UBR1: variants seen among roughly 807,000 people sequenced by gnomAD.
The protein encoded by UBR1 is ubiquitin protein ligase E3 component n-recognin 1, also known as E3 ubiquitin-protein ligase UBR1.
A neutral mutation model predicts 242.1 loss-of-function variants in UBR1; 102 were observed. The observed-to-expected ratio is 0.42, with a 90% CI of 0.36 to 0.50. UBR1 has a LOEUF of 0.50. UBR1 is among the 20% of genes least tolerant of loss of function. UBR1 has a pLI of 0.01. For missense variants in UBR1, 1,772 were observed against 2,101.8 expected (o/e 0.84, Z 3.07); for synonymous variants, 675 against 684.8 (o/e 0.99, Z 0.22).
intron 4 of UBR1, among the ~76,000 whole-genome samples, chr15:43,072,063 T>C (rs2033830214): frequency 1.3e-5 from 2 of 152,120 alleles, no homozygotes; most frequent in Non-Finnish European, 2.9e-5. Context: ...AAAATTTTTG[T>C]AGAGATAGGG....
intron 15 of UBR1, 40 bp from the exon 16 acceptor site, chr15:43,038,272 C>A (rs1295567662): frequency 1.3e-6 from 2 of 1,595,230 alleles, no homozygotes; most frequent in Admixed American, 1.7e-5. Context: ...AGAAAACAAA[C>A]CCAATTTGTT....
chr15:43,083,930 G>A (rs528325846), intron 2 of UBR1, among the ~76,000 whole-genome samples: 1 of 152,074 alleles, frequency 6.6e-6, no homozygotes, highest in Admixed American at 6.5e-5. Context: ...TGCAAGCCCA[G>A]CTACTCAGGA....
rs1228203371 is a variant in UBR1, at chr15:42,945,278, C to T, written c.*51G>A. 1 of 1,613,492 alleles carries T rather than the reference C, an allele frequency of 6.2e-7. No individual in the cohort carries two copies. ...CAGAAAGTTTTCCATAATTTTGAAT[C>T]AGCCTTTACTACTGTCGTCATTTGT... On this transcript the variant is annotated 3_prime_UTR_variant, in exon 47 of 47. Transcript: ENST00000290650.
At chr15:42,953,958 C>T (rs1277294356) in intron 44 of UBR1, among the ~76,000 whole-genome samples, 1 of 151,060 alleles carries the variant, frequency 6.6e-6, no homozygotes, top group Non-Finnish European at 1.5e-5. Flanking sequence ...TCACGGCTCA[C>T]TGCTGCCTCA....
chr15:43,022,815 A>G lies in UBR1; in HGVS notation c.2740-14T>C. ...AATATGAAAAGCCTGAAGGAGGAAA[A>G]TAAGAGATCTTTAAAATTGCGCTTC... On this transcript the variant is annotated splice_polypyrimidine_tract_variant and intron_variant, in intron 25 of 46. Transcript: ENST00000290650. The G allele has an allele frequency of 1.3e-6, 2 of 1,547,030 alleles. No homozygotes were observed. The highest frequency in any genetic ancestry group is 1.8e-6 in the Non-Finnish European group (2 of 1,121,354).
chr15:43,058,678 T>G (rs535176245), intron 9 of UBR1, among the ~76,000 whole-genome samples: 2 of 152,294 alleles, frequency 1.3e-5, no homozygotes, highest in East Asian at 3.9e-4. Flanking sequence ...CTCCCAACCT[T>G]TTCATTCTTT....
chr15:43,059,646 G>A lies in UBR1; in HGVS notation c.985+56C>T. ...TACTCAATGACATTTTAAAATTTGT[G>A]GCTATAAAACACATAGTATTTTATC... On this transcript the variant is annotated intron_variant, in intron 8 of 46. Coordinates refer to ENST00000290650, the MANE Select transcript of UBR1 (RefSeq NM_174916.3). 1.9e-6 allele frequency: 3 copies of A among 1,583,300 alleles called. No individual in the cohort carries two copies. The South Asian group carries it at 3.5e-5, about 18-fold the overall frequency.
intron 13 of UBR1, among the ~76,000 whole-genome samples, chr15:43,048,186 C>G (rs1178117425): frequency 7.2e-6 from 1 of 138,220 alleles, no homozygotes; most frequent in East Asian, 2.1e-4. Context: ...ACTCTGTCTT[C>G]GAAAAAAAAA....
chr15:43,010,448 T>A (rs2032905921), intron 29 of UBR1, among the ~76,000 whole-genome samples: 1 of 152,054 alleles, frequency 6.6e-6, no homozygotes, highest in South Asian at 2.1e-4. Flanking sequence ...TAGAGTGATA[T>A]GGACATAATA....
At chr15:43,071,391 C>A (rs186655968) in intron 4 of UBR1, among the ~76,000 whole-genome samples, 2 of 152,024 alleles carry the variant, frequency 1.3e-5, no homozygotes, top group Non-Finnish European at 2.9e-5. Context: ...TCTGCTCATA[C>A]GAAGTATCTA....
chr15:43,040,229 A>G (rs1166993316), intron 15 of UBR1, among the ~76,000 whole-genome samples: 2 of 152,222 alleles, frequency 1.3e-5, no homozygotes, highest in African/African-American at 4.8e-5. Context: ...CAAAAACAGC[A>G]TGGTACTGGT....
chr15:43,037,376 A>G (rs1055895439), intron 17 of UBR1, among the ~76,000 whole-genome samples: 4 of 151,932 alleles, frequency 2.6e-5, no homozygotes, highest in Non-Finnish European at 5.9e-5. Flanking sequence ...AAAGGAAAAA[A>G]AAAAGAAAAG....
rs752699712 is a variant in UBR1 at position 42,983,936 on chromosome 15, G to C, written c.4111C>G (p.Gln1371Glu). The change falls in exon 37 of 47, where the codon CAG becomes GAG. Residue 1371 changes from glutamine (Q) to glutamate (E), a missense_variant. Transcript: ENST00000290650. ...FAVAQRITCPQVLIQKHLVRL... is the reference protein window; with the variant it reads ...FAVAQRITCPEVLIQKHLVRL... Reference sequence around the variant, plus strand: ...ACCAGATGTTTCTGTATCAGGACCTGAGGACAGGTAATCCTCTGTGCAACT... The same window carrying C: ...ACCAGATGTTTCTGTATCAGGACCTCAGGACAGGTAATCCTCTGTGCAACT... The C allele has an allele frequency of 2.5e-6, 4 of 1,613,334 alleles. No homozygotes were observed. In the Admixed American group the frequency reaches 6.7e-5, roughly 27 times the overall value.
At chr15:43,051,295 A>G (rs2033551860) in intron 12 of UBR1, among the ~76,000 whole-genome samples, 1 of 152,224 alleles carries the variant, frequency 6.6e-6, no homozygotes, top group South Asian at 2.1e-4. Flanking sequence ...GCTAGAGGCC[A>G]TTATCCTTAG....
At chr15:43,027,014 C>T (rs190399597) in intron 22 of UBR1, among the ~76,000 whole-genome samples, 1 of 152,052 alleles carries the variant, frequency 6.6e-6, no homozygotes, top group East Asian at 1.9e-4. Context: ...CTTCATTGAC[C>T]TTAGACACTT....
chr15:42,998,184 A>T lies in UBR1; in HGVS notation c.3741T>A (p.Asn1247Lys), dbSNP rs148375509. 1,178 of 1,613,746 alleles carry T rather than the reference A, an allele frequency of 7.3e-4. 9 individuals are homozygous for T. In the African/African-American group the frequency reaches 0.014, roughly 19 times the overall value. Residue 1247 changes from asparagine (N) to lysine (K), a missense_variant, in exon 33 of 47, where the codon AAT (asparagine) becomes AAA (lysine). Asn to Lys is a moderately conservative substitution (Grantham distance 94, BLOSUM62 0). Transcript: ENST00000290650. The part of the protein sequence containing the change: ...QTVLARISGY[N>K]IRHAKGENPI... ...TAAGCAAACCTTTAGCATGTCTTATATTATAACCTGATATTCTGGCCAGAA... is the reference window on the plus strand; with the variant it reads ...TAAGCAAACCTTTAGCATGTCTTATTTTATAACCTGATATTCTGGCCAGAA...
At chr15:43,022,634 CAAATT>C (rs1441833708) in intron 26 of UBR1, 63 bp downstream of exon 26, 29 of 1,167,114 alleles carry the variant, frequency 2.5e-5, no homozygotes, top group Non-Finnish European at 1.3e-6. Flanking sequence ...TCAGGATTGA[CAAATT>C]AAAACTCCTT....
intron 5 of UBR1, among the ~76,000 whole-genome samples, chr15:43,070,422 T>C (rs888409814): frequency 1.3e-5 from 2 of 152,288 alleles, no homozygotes; most frequent in Non-Finnish European, 2.9e-5. Flanking sequence ...AGTCCCTATC[T>C]TTGTTAACGA....
At chr15:43,005,462 G>C (rs557482140) in intron 30 of UBR1, among the ~76,000 whole-genome samples, 16 of 150,156 alleles carry the variant, frequency 1.1e-4, no homozygotes, top group African/African-American at 3.9e-4. Context: ...CCATCTGGGA[G>C]GGAGGTGGGG....
Sources: allele counts gnomAD v4.1 joint callset (sites outside exome capture counted in the v4.1 genomes callset), GRCh38; gene constraint gnomAD v4.1.1; transcripts MANE v1.5; gene names NCBI Gene and HGNC (gene_info 2026-07-23, HGNC 2026-07-21).